The following PDSS1 variants were observed in gnomAD, a reference collection of about 807,000 sequenced individuals.
The protein encoded by PDSS1 is all trans-polyprenyl-diphosphate synthase PDSS1.
Under a neutral mutation model 57.5 loss-of-function variants are expected in PDSS1, and 43 were observed. The ratio of observed to expected loss-of-function variants is 0.75; its 90% confidence interval spans 0.59 to 0.96. PDSS1 has a LOEUF of 0.96. Ranked by LOEUF, PDSS1 falls within the 50% of genes least tolerant of loss-of-function variation. The pLI is 0.00. For synonymous variants in PDSS1, 175 were observed against 191.3 expected (o/e 0.91, Z 0.70); for missense variants, 438 against 527.8 (o/e 0.83, Z 1.67).
intron 11 of PDSS1, 100 bp downstream of exon 11, chr10:26,742,677 C>T (rs764435487): frequency 5.4e-6 from 4 of 743,080 alleles, no homozygotes; most frequent in Non-Finnish European, 9.6e-6. Context: ...ATTATAGATA[C>T]AAGACTGTTT....
At position 26,746,762 on chromosome 10, in the gene PDSS1, C is replaced by A; in HGVS notation, c.*289C>A. On this transcript the variant is annotated 3_prime_UTR_variant, in exon 12 of 12. Coordinates refer to ENST00000376215, the MANE Select transcript of PDSS1 (RefSeq NM_014317.5). ...ACACTGTTAATATCCACATGTAAGG[C>A]CATTACACAAATAAATAACCAATGT... The A allele has an allele frequency of 2.3e-6, 1 of 426,692 alleles. No individual in the cohort carries two copies. The highest frequency in any genetic ancestry group is 2.4e-5 in the South Asian group (1 of 41,480). 26.4% of individuals were successfully genotyped at this position (426,692 alleles called of 1,614,324 possible).
chr10:26,709,542 CAA>C (rs1163255902), intron 4 of PDSS1, 94 bp from the exon 5 acceptor site: 6 of 1,268,632 alleles, frequency 4.7e-6, no homozygotes, highest in Non-Finnish European at 2.3e-6. Context: ...GTCTGGGCAA[CAA>C]GAGCGAAACT....
intron 8 of PDSS1, among the ~76,000 whole-genome samples, chr10:26,734,473 G>A (rs16927305): frequency 0.13 from 19,064 of 152,178 alleles, 1,429 homozygotes; most frequent in South Asian, 0.28. Context: ...GCAGGGCACT[G>A]GGAAATGCAC....
intron 1 of PDSS1, among the ~76,000 whole-genome samples, chr10:26,700,546 A>G (rs566430592): frequency 6.6e-6 from 1 of 152,230 alleles, no homozygotes; most frequent in South Asian, 2.1e-4. Context: ...TAATTGGATC[A>G]TGGGGGTGGA....
At chr10:26,722,837 C>T (rs1835832209) in intron 6 of PDSS1, among the ~76,000 whole-genome samples, 1 of 151,482 alleles carries the variant, frequency 6.6e-6, no homozygotes, top group African/African-American at 2.4e-5. Flanking sequence ...ACAGTGTAGA[C>T]ATCCATCACA....
intron 1 of PDSS1, among the ~76,000 whole-genome samples, chr10:26,700,840 A>G (rs1835031141): frequency 6.6e-6 from 1 of 152,130 alleles, no homozygotes; most frequent in African/African-American, 2.4e-5. Context: ...TTGGTACCAA[A>G]GTAGTTGGCA....
chr10:26,725,767 A>T (rs1057217396), intron 8 of PDSS1, among the ~76,000 whole-genome samples: 1 of 152,184 alleles, frequency 6.6e-6, no homozygotes, highest in Non-Finnish European at 1.5e-5. Context: ...TCACAATTTG[A>T]GACTGCAAAC....
At chr10:26,697,955 G>A in intron 1 of PDSS1, 115 bp downstream of exon 1, 1 of 985,030 alleles carries the variant, frequency 1.0e-6, no homozygotes, top group Non-Finnish European at 1.3e-6. Context: ...GGGCGCGCGG[G>A]GTAGCTCCGG....
chr10:26,704,525 G>T, intron 2 of PDSS1, 152 bp from the exon 3 acceptor site: 1 of 576,516 alleles, frequency 1.7e-6, no homozygotes, highest in South Asian at 2.3e-5. Flanking sequence ...ATAACAAAAG[G>T]AAACTTTAAA....
intron 4 of PDSS1, among the ~76,000 whole-genome samples, chr10:26,707,232 A>G (rs1309477829): frequency 6.6e-6 from 1 of 152,156 alleles, no homozygotes; most frequent in Non-Finnish European, 1.5e-5. Flanking sequence ...AAGGACATAC[A>G]CCAATTAAGC....
intron 10 of PDSS1, among the ~76,000 whole-genome samples, 151 bp from the exon 11 acceptor site, chr10:26,742,344 CCA>C (rs1836649678): frequency 6.6e-6 from 1 of 152,264 alleles, no homozygotes; most frequent in African/African-American, 2.4e-5. Context: ...GCTTTTGTTG[CCA>C]CAGTTTACTG....
At chr10:26,709,610 A>G (rs1835355878) in intron 4 of PDSS1, 28 bp from the exon 5 acceptor site, 1 of 1,611,448 alleles carries the variant, frequency 6.2e-7, no homozygotes, top group African/African-American at 1.3e-5. Flanking sequence ...TTTTGATGCC[A>G]TTGTGACACA....
intron 10 of PDSS1, among the ~76,000 whole-genome samples, chr10:26,742,284 C>T (rs905793087): frequency 4.6e-5 from 7 of 152,242 alleles, no homozygotes; most frequent in Admixed American, 2.0e-4. Context: ...CTTCTCCTCC[C>T]ATACACCACC....
intron 8 of PDSS1, among the ~76,000 whole-genome samples, chr10:26,728,924 G>A (rs568698798): frequency 1.1e-4 from 17 of 151,752 alleles, no homozygotes; most frequent in South Asian, 2.1e-4. Context: ...GATTACATGC[G>A]GCTGCCACCA....
rs71403882 is a variant in PDSS1 at position 26,702,138 on chromosome 10, CG to C, written c.130-23del. 287,889 of 440,694 alleles carry C rather than the reference CG, an allele frequency of 0.65. 98,586 individuals carry two copies. Among genetic ancestry groups the C allele is most frequent in the East Asian group, 0.81 (11,419 of 14,150 alleles). 27.3% of individuals were successfully genotyped at this position (440,694 alleles called of 1,614,324 possible). On this transcript the variant is annotated intron_variant, in intron 1 of 11. Coordinates refer to ENST00000376215, the MANE Select transcript of PDSS1 (RefSeq NM_014317.5). ...TACTCCCATTGTATCTTGGATGTAACGTAACTTGTTTTTGATTTTACAGGTT... is the reference window on the plus strand; with the variant it reads ...TACTCCCATTGTATCTTGGATGTAACTAACTTGTTTTTGATTTTACAGGTT...
At chr10:26,745,087 C>T (rs777716863) in intron 11 of PDSS1, among the ~76,000 whole-genome samples, 40 of 151,916 alleles carry the variant, frequency 2.6e-4, no homozygotes, top group Non-Finnish European at 3.8e-4. Flanking sequence ...TCCCTTGAGC[C>T]TGGGAGGCAG....
intron 4 of PDSS1, among the ~76,000 whole-genome samples, chr10:26,707,068 C>G (rs1373802439): frequency 5.9e-5 from 9 of 152,166 alleles, no homozygotes; most frequent in Non-Finnish European, 8.8e-5. Context: ...CAGGGACTTG[C>G]ATCCCGTCTC....
chr10:26,701,988 C>CA, intron 1 of PDSS1, 174 bp from the exon 2 acceptor site: 1 of 402,680 alleles, frequency 2.5e-6, no homozygotes, highest in Admixed American at 2.7e-5. Context: ...GACATGGAGT[C>CA]AAAGATCATT....
chr10:26,710,251 CTT>C (rs771371336), intron 5 of PDSS1, among the ~76,000 whole-genome samples: 1 of 82,750 alleles, frequency 1.2e-5, no homozygotes. Context: ...AGTCTGGCAT[CTT>C]TTTTTTTTTT....
Sources: gnomAD v4.1 joint callset for allele counts (sites outside exome capture counted in the v4.1 genomes callset) on GRCh38, gnomAD v4.1.1 for gene constraint, MANE v1.5 for transcripts, NCBI Gene and HGNC (gene_info 2026-07-23, HGNC 2026-07-21) for gene names.